DYNC1I2: variants seen among roughly 807,000 people sequenced by gnomAD.
DYNC1I2 encodes dynein cytoplasmic 1 intermediate chain 2.
Under a neutral mutation model 88.6 loss-of-function variants are expected in DYNC1I2, and 53 were observed. The observed-to-expected ratio is 0.60, with a 90% CI of 0.48 to 0.75. The LOEUF is 0.75. Among genes scored for constraint, DYNC1I2 ranks in the 30% least tolerant of loss-of-function variants. DYNC1I2 has a pLI of 0.00. For missense variants in DYNC1I2, 458 were observed against 766.6 expected, an observed-to-expected ratio of 0.60 and a Z score of 4.75; for synonymous variants, 198 against 254.6, an observed-to-expected ratio of 0.78 and a Z score of 2.12.
chr2:171,740,561 AG>A (rs1420274159), intron 15 of DYNC1I2, among the ~76,000 whole-genome samples: 2 of 152,162 alleles, frequency 1.3e-5, no homozygotes, highest in Non-Finnish European at 2.9e-5. Flanking sequence ...TTTTCTTTAG[AG>A]GGTCAGTGTT....
chr2:171,700,953 G>C (rs1165382628), intron 3 of DYNC1I2, among the ~76,000 whole-genome samples: 1 of 151,896 alleles, frequency 6.6e-6, no homozygotes, highest in African/African-American at 2.4e-5. Flanking sequence ...TTTATAGCCT[G>C]TCTTAGGTGA....
chr2:171,722,912 TA>T (rs1687993844), intron 7 of DYNC1I2, among the ~76,000 whole-genome samples: 1 of 152,168 alleles, frequency 6.6e-6, no homozygotes, highest in Non-Finnish European at 1.5e-5. Flanking sequence ...ACTTTAATTC[TA>T]AAATAAAACC....
At chr2:171,720,907 G>A (rs541074418) in intron 7 of DYNC1I2, among the ~76,000 whole-genome samples, 1 of 151,978 alleles carries the variant, frequency 6.6e-6, no homozygotes, top group Non-Finnish European at 1.5e-5. Context: ...CCTGGCCTCA[G>A]AAAAATATAA....
intron 5 of DYNC1I2, chr2:171,712,500 C>T (rs1382844083): frequency 2.9e-6 from 1 of 348,796 alleles, no homozygotes. Flanking sequence ...ATATTAGTTT[C>T]CCATAATCTG....
intron 3 of DYNC1I2, among the ~76,000 whole-genome samples, chr2:171,705,599 G>A (rs934599220): frequency 6.6e-6 from 1 of 152,012 alleles, no homozygotes; most frequent in African/African-American, 2.4e-5. Context: ...TATTACTCTA[G>A]TCCTATATCA....
intron 5 of DYNC1I2, among the ~76,000 whole-genome samples, chr2:171,711,516 C>A (rs1687126547): frequency 1.3e-5 from 2 of 152,188 alleles, no homozygotes; most frequent in Non-Finnish European, 1.5e-5. Flanking sequence ...AGAGCTCTTA[C>A]ATAATGTAAA....
chr2:171,736,652 T>C (rs1224196243), intron 15 of DYNC1I2, among the ~76,000 whole-genome samples: 1 of 152,242 alleles, frequency 6.6e-6, no homozygotes, highest in African/African-American at 2.4e-5. Flanking sequence ...TGGACGATGC[T>C]TGAATGGGTA....
chr2:171,725,598 G>GTTTGTT lies in DYNC1I2; in HGVS notation c.512-17_512-16insGTTTTT. The GTTTGTT allele has an allele frequency of 8.9e-6, 8 of 894,260 alleles. No individual in the cohort carries two copies. The South Asian group carries it at 9.3e-5, about 10-fold the overall frequency. 55.4% of individuals were successfully genotyped at this position (894,260 alleles called of 1,614,324 possible). On this transcript the variant is annotated intron_variant, in intron 7 of 17. Coordinates refer to ENST00000397119, the MANE Select transcript of DYNC1I2 (RefSeq NM_001378.3). ...ATTCTGTTTTTTTGTTTTTTTGTTT[G>GTTTGTT]TTTTTTTTTTTTTTTTCAGATGAAG...
chr2:171,726,243 G>A lies in DYNC1I2; in HGVS notation c.820G>A (p.Glu274Lys). The A allele has an allele frequency of 1.2e-6, 2 of 1,612,200 alleles. No individual in the cohort carries two copies. Among genetic ancestry groups the A allele is most frequent in the South Asian group, 1.1e-5 (1 of 90,746 alleles). ...GTCATTAAATCGACAATTTTTTGAC[G>A]AACGTTGGTCAAAGCATCGGGTGGT... Reference protein sequence around the residue: ...KLSLNRQFFDERWSKHRVVSC... With the variant: ...KLSLNRQFFDKRWSKHRVVSC... Residue 274 changes from glutamate (E) to lysine (K), a missense_variant, in exon 10 of 18, where the codon GAA becomes AAA. Physicochemically the swap from Glu to Lys is moderately conservative, Grantham distance 56. Coordinates refer to ENST00000397119, the MANE Select transcript of DYNC1I2 (RefSeq NM_001378.3).
At chr2:171,717,624 T>C (rs548796029) in intron 7 of DYNC1I2, among the ~76,000 whole-genome samples, 19 of 152,214 alleles carry the variant, frequency 1.2e-4, no homozygotes, top group Non-Finnish European at 1.9e-4. Flanking sequence ...AGAATACTAA[T>C]ACTGCAGGAT....
At position 171,728,819 on chromosome 2, in the gene DYNC1I2, G is replaced by A. The variant is rs762459788; in HGVS notation, c.1360G>A (p.Gly454Ser). The A allele has an allele frequency of 5.0e-6, 8 of 1,610,990 alleles. No homozygotes were observed. The South Asian group carries it at 6.6e-5, about 13-fold the overall frequency. ...CAACTTTGTTGTTGGGAGTGAAGAA[G>A]GTTCTGTGTACACAGCATGCCGCCA... is the stretch of plus-strand genomic sequence containing the variant. ...VNNFVVGSEE[G>S]SVYTACRHGS... The change falls in exon 14 of 18, where the codon GGT becomes AGT. Residue 454 changes from glycine (G) to serine (S), a missense_variant. Coordinates refer to ENST00000397119, the MANE Select transcript of DYNC1I2 (RefSeq NM_001378.3).
At chr2:171,703,100 C>G (rs898732625) in intron 3 of DYNC1I2, among the ~76,000 whole-genome samples, 1 of 152,172 alleles carries the variant, frequency 6.6e-6, no homozygotes, top group African/African-American at 2.4e-5. Flanking sequence ...GAATATATTA[C>G]TTACATTTTT....
intron 3 of DYNC1I2, among the ~76,000 whole-genome samples, chr2:171,698,586 C>T (rs1156274983): frequency 6.6e-6 from 1 of 151,998 alleles, no homozygotes; most frequent in Non-Finnish European, 1.5e-5. Flanking sequence ...CAGGGTCTCA[C>T]AGGCCAGGCA....
intron 3 of DYNC1I2, among the ~76,000 whole-genome samples, chr2:171,700,671 G>A (rs757754325): frequency 4.6e-5 from 7 of 151,658 alleles, no homozygotes; most frequent in South Asian, 2.1e-4. Context: ...TTGCTGTGTC[G>A]CCCAGGCTGG....
chr2:171,716,176 G>A (rs1287390214), intron 7 of DYNC1I2, among the ~76,000 whole-genome samples: 3 of 152,034 alleles, frequency 2.0e-5, no homozygotes, highest in Middle Eastern at 3.4e-3. Flanking sequence ...AGCTTTTGGG[G>A]CCATATATAT....
chr2:171,725,836 C>T (rs1574594575), intron 8 of DYNC1I2, 83 bp from the exon 9 acceptor site: 1 of 681,074 alleles, frequency 1.5e-6, no homozygotes, highest in Non-Finnish European at 2.2e-6. Flanking sequence ...AAAATAATAA[C>T]ATACATTGAT....
In DYNC1I2 at chr2:171,749,543, A is replaced by T. The variant is rs951750138; in HGVS notation, c.*1654A>T. Among the ~76,000 whole-genome samples the T allele has an allele frequency of 6.6e-6, 1 of 152,148 alleles. No individual in the cohort carries two copies. The highest frequency in any genetic ancestry group is 2.4e-5 in the African/African-American group (1 of 41,458). On this transcript the variant is annotated 3_prime_UTR_variant, in exon 18 of 18. Coordinates refer to ENST00000397119, the MANE Select transcript of DYNC1I2 (RefSeq NM_001378.3). Reference sequence around the variant, plus strand: ...TACTCACTACTCATGTAGTTACTGTATCTTTACCTTCAGTTTGTAAAAATG... The same window carrying T: ...TACTCACTACTCATGTAGTTACTGTTTCTTTACCTTCAGTTTGTAAAAATG...
chr2:171,690,659 T>G (rs974810938), intron 2 of DYNC1I2, among the ~76,000 whole-genome samples: 2 of 150,114 alleles, frequency 1.3e-5, no homozygotes, highest in Non-Finnish European at 3.0e-5. Context: ...TTTGGGTTTT[T>G]TTTTTTTTTT....
chr2:171,697,103 C>T (rs567275942), intron 3 of DYNC1I2, among the ~76,000 whole-genome samples: 276 of 152,152 alleles, frequency 1.8e-3, no homozygotes, highest in African/African-American at 6.1e-3. Flanking sequence ...CAGGCTCAAG[C>T]GATCCTCTCA....
Sources: gnomAD v4.1 joint callset for allele counts (sites outside exome capture counted in the v4.1 genomes callset) on GRCh38, gnomAD v4.1.1 for gene constraint, MANE v1.5 for transcripts, NCBI Gene and HGNC (gene_info 2026-07-23, HGNC 2026-07-21) for gene names.